ERC2: variants seen among roughly 807,000 people sequenced by gnomAD.
ERC2 encodes ELKS/RAB6-interacting/CAST family member 2.
In ERC2, 42 loss-of-function variants were observed where a neutral mutation model predicts 114.8. That is an observed-to-expected ratio of 0.37 (90% confidence interval 0.29 to 0.47). The LOEUF (loss-of-function observed/expected upper bound fraction) is 0.47, where lower values mean the gene tolerates loss of function less well. Ranked by LOEUF, ERC2 falls within the 20% of genes least tolerant of loss-of-function variation. The pLI is 0.99. For synonymous variants in ERC2, 454 were observed against 425.5 expected (o/e 1.07, Z -0.82); for missense variants, 939 against 1,150.7 (o/e 0.82, Z 2.66).
At chr3:55,566,725 T>C (rs926546469) in intron 17 of ERC2, among the ~76,000 whole-genome samples, 7 of 151,386 alleles carry the variant, frequency 4.6e-5, no homozygotes, top group East Asian at 2.0e-4. Context: ...GTGCAACAGA[T>C]TGTTGTTCTA....
At chr3:55,956,793 C>T (rs2067984357) in intron 12 of ERC2, among the ~76,000 whole-genome samples, 1 of 152,252 alleles carries the variant, frequency 6.6e-6, no homozygotes, top group African/African-American at 2.4e-5. Flanking sequence ...CTTGTCCAAG[C>T]CATGCAGCAG....
chr3:55,691,573 A>AAAATATAT (rs1553631525), intron 16 of ERC2, among the ~76,000 whole-genome samples: 12 of 39,746 alleles, frequency 3.0e-4, no homozygotes, highest in South Asian at 1.3e-3. Context: ...AAAAAAAAAA[A>AAAATATAT]ATATATATAT....
chr3:55,695,724 A>G (rs187626224), intron 16 of ERC2, among the ~76,000 whole-genome samples: 1 of 152,322 alleles, frequency 6.6e-6, no homozygotes, highest in East Asian at 1.9e-4. Flanking sequence ...CCACCTTCTG[A>G]TAAAAAATAC....
intron 17 of ERC2, among the ~76,000 whole-genome samples, chr3:55,593,245 T>G (rs1347345172): frequency 2.6e-5 from 4 of 152,198 alleles, no homozygotes; most frequent in African/African-American, 4.8e-5. Context: ...ATCAGTCCAC[T>G]GGTTCATTTC....
chr3:56,076,542 T>C (rs2076986175), intron 7 of ERC2, among the ~76,000 whole-genome samples: 1 of 152,170 alleles, frequency 6.6e-6, no homozygotes, highest in Non-Finnish European at 1.5e-5. Context: ...CATACCGCTC[T>C]TCTGATTTCA....
intron 3 of ERC2, among the ~76,000 whole-genome samples, chr3:56,208,822 T>C (rs913145125): frequency 3.3e-5 from 5 of 152,158 alleles, no homozygotes; most frequent in African/African-American, 1.2e-4. Flanking sequence ...GGGGGGCATC[T>C]ATGAGATAAA....
At chr3:55,630,388 C>T (rs544942450) in intron 17 of ERC2, among the ~76,000 whole-genome samples, 9 of 152,156 alleles carry the variant, frequency 5.9e-5, no homozygotes, top group African/African-American at 1.7e-4. Context: ...AGGCTGGTCT[C>T]GAACTCCCAA....
chr3:56,369,355 T>C (rs1472356989), intron 2 of ERC2, among the ~76,000 whole-genome samples: 1 of 152,218 alleles, frequency 6.6e-6, no homozygotes, highest in Non-Finnish European at 1.5e-5. Context: ...TCTCATGCAA[T>C]AAGACCATAG....
At chr3:56,396,628 T>C (rs2060316084) in intron 2 of ERC2, among the ~76,000 whole-genome samples, 1 of 152,192 alleles carries the variant, frequency 6.6e-6, no homozygotes, top group African/African-American at 2.4e-5. Flanking sequence ...TATCTTAGAG[T>C]GATGGGATTT....
At chr3:56,317,282 C>T (rs1576407871) in intron 2 of ERC2, among the ~76,000 whole-genome samples, 1 of 152,076 alleles carries the variant, frequency 6.6e-6, no homozygotes, top group African/African-American at 2.4e-5. Context: ...GGCAAAGGCA[C>T]ATATATATAT....
At chr3:55,650,531 A>G (rs1020279149) in intron 17 of ERC2, among the ~76,000 whole-genome samples, 1 of 152,204 alleles carries the variant, frequency 6.6e-6, no homozygotes, top group East Asian at 1.9e-4. Context: ...ACCACTGTCT[A>G]AAATCATCTT....
At chr3:55,680,427 C>T (rs560858461) in intron 17 of ERC2, among the ~76,000 whole-genome samples, 2 of 152,272 alleles carry the variant, frequency 1.3e-5, no homozygotes, top group African/African-American at 4.8e-5. Context: ...AACCCGAATG[C>T]CTCTTGGGGG....
intron 6 of ERC2, among the ~76,000 whole-genome samples, chr3:56,126,209 C>T (rs2079854419): frequency 6.6e-6 from 1 of 151,914 alleles, no homozygotes; most frequent in Non-Finnish European, 1.5e-5. Context: ...AAAAATTTGC[C>T]AAGTTTCATT....
chr3:56,009,566 A>G (rs529364250), intron 9 of ERC2, among the ~76,000 whole-genome samples: 32 of 152,336 alleles, frequency 2.1e-4, no homozygotes, highest in African/African-American at 7.0e-4. Context: ...GGTACCGTCC[A>G]GCAGGGTGAA....
intron 17 of ERC2, among the ~76,000 whole-genome samples, chr3:55,621,797 G>A (rs533502020): frequency 6.6e-6 from 1 of 152,268 alleles, no homozygotes; most frequent in East Asian, 1.9e-4. Context: ...GTAGTTCCAG[G>A]AGGGAGAGAA....
chr3:56,164,663 A>C (rs1048391933), intron 4 of ERC2, among the ~76,000 whole-genome samples: 1 of 152,104 alleles, frequency 6.6e-6, no homozygotes, highest in Non-Finnish European at 1.5e-5. Flanking sequence ...ATTTTGAGGA[A>C]CTGCTAACAG....
At chr3:56,179,358 T>C (rs1299759413) in intron 3 of ERC2, among the ~76,000 whole-genome samples, 2 of 152,116 alleles carry the variant, frequency 1.3e-5, no homozygotes, top group Admixed American at 6.6e-5. Context: ...CGTGAGGACA[T>C]TGATTTTACT....
intron 14 of ERC2, among the ~76,000 whole-genome samples, chr3:55,828,093 C>T (rs1407887599): frequency 1.3e-5 from 2 of 152,242 alleles, no homozygotes; most frequent in Non-Finnish European, 1.5e-5. Context: ...TACAAAGAGG[C>T]ACGAAAGAAT....
intron 14 of ERC2, among the ~76,000 whole-genome samples, chr3:55,857,265 G>A (rs1245802363): frequency 1.3e-5 from 2 of 152,198 alleles, no homozygotes; most frequent in Admixed American, 1.3e-4. Flanking sequence ...AATGTGGTCA[G>A]AAAGTGTCTT....
Sources: allele counts gnomAD v4.1 joint callset (sites outside exome capture counted in the v4.1 genomes callset), GRCh38; gene constraint gnomAD v4.1.1; transcripts MANE v1.5; gene names NCBI Gene and HGNC (gene_info 2026-07-23, HGNC 2026-07-21).